Variants in RPS6KB1 observed in about 807,000 individuals in gnomAD.
RPS6KB1 encodes ribosomal protein S6 kinase B1, also known as ribosomal protein S6 kinase beta-1.
Under a neutral mutation model 70.2 loss-of-function variants are expected in RPS6KB1, and 12 were observed. The observed-to-expected ratio is 0.17, with a 90% CI of 0.11 to 0.28. The LOEUF (loss-of-function observed/expected upper bound fraction) is 0.28. Among genes scored for constraint, RPS6KB1 ranks in the 10% least tolerant of loss-of-function variants. RPS6KB1 has a pLI of 1.00. For missense variants in RPS6KB1, 270 were observed against 646.6 expected (o/e 0.42, Z 6.32); for synonymous variants, 175 against 211.2 (o/e 0.83, Z 1.49).
At chr17:59,915,791 T>TA (rs1568429820) in intron 4 of RPS6KB1, among the ~76,000 whole-genome samples, 20 of 134,138 alleles carry the variant, frequency 1.5e-4, no homozygotes, top group South Asian at 1.2e-3. Flanking sequence ...TTTTTTTTTT[T>TA]TTTTTTTTAT....
At chr17:59,929,128 TTTG>T (rs2043791503) in intron 5 of RPS6KB1, among the ~76,000 whole-genome samples, 1 of 151,930 alleles carries the variant, frequency 6.6e-6, no homozygotes, top group South Asian at 2.1e-4. Context: ...CATGTTCAGT[TTTG>T]TTGTTTTTTT....
At chr17:59,902,790 T>A (rs1408384648) in intron 1 of RPS6KB1, among the ~76,000 whole-genome samples, 3 of 152,034 alleles carry the variant, frequency 2.0e-5, no homozygotes, top group Non-Finnish European at 4.4e-5. Flanking sequence ...TTTGTCCCGG[T>A]TGGTTTTAAA....
intron 1 of RPS6KB1, among the ~76,000 whole-genome samples, chr17:59,908,389 C>T (rs940761942): frequency 2.6e-5 from 4 of 151,418 alleles, no homozygotes; most frequent in Admixed American, 6.6e-5. Context: ...TTAGTAGAGA[C>T]GGGGTTTCAC....
chr17:59,893,246 C>T lies in RPS6KB1; in HGVS notation c.62C>T (p.Ala21Val), dbSNP rs757691849. 5 of 1,613,062 alleles carry T rather than the reference C, an allele frequency of 3.1e-6. No individual in the cohort carries two copies. The Admixed American group carries it at 8.4e-5, about 27-fold the overall frequency. ...YPAPDFRDRE[A>V]EDMAGVFDID... Reference sequence around the variant, plus strand: ...GCCCCGGACTTCCGAGACAGGGAAGCTGAGGACATGGCAGGAGTGTTTGAC... The same window carrying T: ...GCCCCGGACTTCCGAGACAGGGAAGTTGAGGACATGGCAGGAGTGTTTGAC... The change falls in exon 1 of 15, where the codon GCT (alanine) becomes GTT (valine). Residue 21 changes from alanine (A) to valine (V), a missense_variant. Ala to Val is a moderately conservative substitution (Grantham distance 64). This residue lies in a region of RPS6KB1 where 72 missense variants were observed against 93.4 expected (regional missense o/e 0.77). Transcript: ENST00000225577. This position sits in a 1 kb window ranked among gnomAD's most constrained non-coding sequence, Gnocchi z 4.1.
chr17:59,913,246 A>G (rs2042751466), intron 3 of RPS6KB1, among the ~76,000 whole-genome samples: 1 of 152,224 alleles, frequency 6.6e-6, no homozygotes, highest in South Asian at 2.1e-4. Context: ...AAAAGGGGGA[A>G]GAAAACTATT....
chr17:59,903,482 A>G (rs2042082560), intron 1 of RPS6KB1, among the ~76,000 whole-genome samples: 2 of 152,034 alleles, frequency 1.3e-5, no homozygotes, highest in Admixed American at 6.6e-5. Flanking sequence ...CTCAAAAAGA[A>G]AAAAAAGAAA....
At chr17:59,909,518 G>A (rs751851040) in intron 1 of RPS6KB1, among the ~76,000 whole-genome samples, 5 of 150,764 alleles carry the variant, frequency 3.3e-5, no homozygotes, top group African/African-American at 4.9e-5. Context: ...TGCCCGCATC[G>A]GCCTCCCAAA....
At chr17:59,924,649 T>C (rs2043488753) in intron 4 of RPS6KB1, among the ~76,000 whole-genome samples, 4 of 152,064 alleles carry the variant, frequency 2.6e-5, no homozygotes, top group Non-Finnish European at 2.9e-5. Flanking sequence ...CATTAGCTTT[T>C]AGTTTATCTT....
At chr17:59,940,996 C>T in intron 13 of RPS6KB1, 53 bp downstream of exon 13, 1 of 1,119,258 alleles carries the variant, frequency 8.9e-7, no homozygotes, top group Non-Finnish European at 1.3e-6. Context: ...TGAGGATGGG[C>T]TCTTCAAAGA....
chr17:59,924,691 T>C (rs1347203561), intron 4 of RPS6KB1, among the ~76,000 whole-genome samples: 2 of 151,990 alleles, frequency 1.3e-5, no homozygotes, highest in African/African-American at 2.4e-5. Context: ...CATAAGCAGA[T>C]ACATATTATA....
intron 4 of RPS6KB1, among the ~76,000 whole-genome samples, chr17:59,926,233 G>A (rs180530): frequency 0.56 from 85,010 of 151,994 alleles, 25,855 homozygotes; most frequent in African/African-American, 0.82. Flanking sequence ...ATTCACTTAC[G>A]TGTTCACTGC....
intron 12 of RPS6KB1, among the ~76,000 whole-genome samples, chr17:59,937,382 CTTGCTGCAACAA>C (rs1253653309): frequency 6.6e-6 from 1 of 152,140 alleles, no homozygotes; most frequent in Non-Finnish European, 1.5e-5. Context: ...GTTTGCTAGG[CTTGCTGCAACAA>C]AGTACCACAA....
At chr17:59,911,549 T>G (rs1484215751) in intron 2 of RPS6KB1, among the ~76,000 whole-genome samples, 1 of 142,700 alleles carries the variant, frequency 7.0e-6, no homozygotes, top group African/African-American at 2.6e-5. Flanking sequence ...TTTTTTTTTT[T>G]TTTTTTTTTT....
Position 59,935,117 on chromosome 17 carries a change from T to A in RPS6KB1, c.871-76T>A, listed in dbSNP as rs574655925. The A allele has an allele frequency of 2.5e-5, 20 of 801,600 alleles. No homozygotes were observed. The African/African-American group carries it at 2.8e-4, about 11-fold the overall frequency. The allele number at this position is 801,600 out of a possible 1,614,324, so 49.7% of individuals were successfully genotyped here. A position where few individuals can be genotyped will look rare whatever the true frequency, so the allele number is the denominator to read the frequency against. ...TAACTAATTTAGGAAATGGATAATA[T>A]TATTCAAAATTTGTTTCTTATATGC... is the stretch of plus-strand genomic sequence containing the variant. On this transcript the variant is annotated intron_variant, in intron 9 of 14. Transcript: ENST00000225577.
intron 5 of RPS6KB1, among the ~76,000 whole-genome samples, chr17:59,929,015 G>C (rs1299690097): frequency 1.3e-5 from 2 of 152,136 alleles, no homozygotes; most frequent in African/African-American, 2.4e-5. Context: ...GTATAAGGTG[G>C]TGTCTGCTGA....
rs2041960786 is a variant in RPS6KB1, at chr17:59,901,661, CAG to C, written c.141+8339_141+8340del. The stretch of plus-strand genomic sequence containing the variant: ...AAAAAAAAAAAGAAAAAAAAAGAAA[CAG>C]AGTTTTGGCCAATTTAGTTACTTCT... On this transcript the variant is annotated intron_variant, in intron 1 of 14. Transcript: ENST00000225577. Among the ~76,000 whole-genome samples, 5 of 140,190 alleles carry C rather than the reference CAG, an allele frequency of 3.6e-5. No individual in the cohort carries two copies. In the South Asian group the frequency reaches 9.1e-4, roughly 25 times the overall value. 92.0% of individuals were successfully genotyped at this position (140,190 alleles called of 152,430 possible). A position where few individuals can be genotyped will look rare whatever the true frequency, so the allele number is the denominator to read the frequency against.
intron 1 of RPS6KB1, among the ~76,000 whole-genome samples, chr17:59,896,199 T>A (rs993211146): frequency 3.4e-4 from 51 of 152,042 alleles, no homozygotes; most frequent in African/African-American, 1.0e-3. Context: ...ATTTTATTTT[T>A]TTTTCTTTTC....
chr17:59,915,631 A>G (rs2042901022), intron 4 of RPS6KB1, among the ~76,000 whole-genome samples: 1 of 148,190 alleles, frequency 6.7e-6, no homozygotes, highest in Non-Finnish European at 1.5e-5. Flanking sequence ...ACGCCTGGCT[A>G]ATTTTTGGAT....
In RPS6KB1 at chr17:59,946,593, T is replaced by C. The variant is rs766375585; in HGVS notation, c.1383T>C (p.Ala461=). ...FSPGDFWGRG[A]SASTANPQTP... ...CTGGGGATTTCTGGGGAAGAGGTGC[T>C]TCGGCCAGCACAGCAAATCCTCAGA... The change falls in exon 15 of 15, where the codon GCT becomes GCC. Residue 461 remains alanine, a synonymous_variant. Transcript: ENST00000225577. The surrounding 1 kb of genome is among the most constrained non-coding windows in gnomAD (Gnocchi z 4.2). The C allele has an allele frequency of 1.2e-6, 2 of 1,614,040 alleles. No individual in the cohort carries two copies. Among genetic ancestry groups the C allele is most frequent in the African/African-American group, 2.7e-5 (2 of 74,916 alleles).
Sources: gnomAD v4.1 joint callset for allele counts (sites outside exome capture counted in the v4.1 genomes callset) on GRCh38, gnomAD v4.1.1 for gene constraint, gnomAD v4.1.1 regional missense constraint, Gnocchi (gnomAD v3.1) non-coding constraint, MANE v1.5 for transcripts, NCBI Gene and HGNC (gene_info 2026-07-23, HGNC 2026-07-21) for gene names.